The following STK32C variants were observed in gnomAD, a reference collection of about 807,000 sequenced individuals.
STK32C encodes serine/threonine kinase 32C.
A neutral mutation model predicts 56.5 loss-of-function variants in STK32C; 31 were observed. The ratio of observed to expected loss-of-function variants is 0.55; its 90% CI spans 0.41 to 0.74. The LOEUF is 0.74. Ranked by LOEUF, STK32C falls within the 30% of genes least tolerant of loss-of-function variation. The pLI is 0.00. For missense variants in STK32C, 544 were observed against 676.9 expected (o/e 0.80, Z 2.18); for synonymous variants, 309 against 289.4 (o/e 1.07, Z -0.69).
chr10:132,328,083 C>T (rs998855416), intron 1 of STK32C, among the ~76,000 whole-genome samples: 2 of 152,176 alleles, frequency 1.3e-5, no homozygotes, highest in Non-Finnish European at 2.9e-5. Context: ...TTTACCAAGA[C>T]AGGGGAATTG....
intron 2 of STK32C, among the ~76,000 whole-genome samples, chr10:132,240,649 T>C (rs1166856647): frequency 1.3e-5 from 2 of 152,130 alleles, no homozygotes; most frequent in Non-Finnish European, 2.9e-5. Flanking sequence ...GTTTTCTTAG[T>C]TATTTCCCCA....
At chr10:132,281,722 C>A (rs2065213254) in intron 1 of STK32C, among the ~76,000 whole-genome samples, 1 of 152,218 alleles carries the variant, frequency 6.6e-6, no homozygotes, top group African/African-American at 2.4e-5. Flanking sequence ...TGCAGGTCCC[C>A]GGGAGACGAA....
At chr10:132,216,840 T>C (rs901329687) in intron 10 of STK32C, among the ~76,000 whole-genome samples, 3 of 152,194 alleles carry the variant, frequency 2.0e-5, no homozygotes, top group Admixed American at 6.5e-5. Flanking sequence ...AGTCAAGAAT[T>C]GAGGTTTGGG....
intron 1 of STK32C, among the ~76,000 whole-genome samples, chr10:132,246,552 C>T (rs1050604524): frequency 6.6e-6 from 1 of 152,150 alleles, no homozygotes; most frequent in Non-Finnish European, 1.5e-5. Context: ...GGAGAGCCTG[C>T]GCCCAGCATG....
chr10:132,210,613 C>A (rs919657445), intron 10 of STK32C, among the ~76,000 whole-genome samples: 9 of 152,254 alleles, frequency 5.9e-5, no homozygotes, highest in Non-Finnish European at 8.8e-5. Flanking sequence ...AACCCACGAA[C>A]AGAGTGTGGG....
At position 132,296,858 on chromosome 10, in the gene STK32C, G is replaced by A. The variant is rs368509893; in HGVS notation, c.262+10714C>T. Among the ~76,000 whole-genome samples the A allele has an allele frequency of 6.6e-5, 10 of 152,322 alleles. 1 individual carries two copies. Among genetic ancestry groups the A allele is most frequent in the East Asian group, 5.8e-4 (3 of 5,180 alleles). On this transcript the variant is annotated intron_variant, in intron 1 of 11. Coordinates refer to ENST00000298630, the MANE Select transcript of STK32C (RefSeq NM_173575.4). ...CATGGTGGCCACAGAGGCAGGACTC[G>A]CAGGCCCGCGCCCTCTGGGACGCCG...
At chr10:132,245,345 C>CT (rs1200301683) in intron 2 of STK32C, among the ~76,000 whole-genome samples, 5 of 152,196 alleles carry the variant, frequency 3.3e-5, no homozygotes, top group African/African-American at 9.7e-5. Flanking sequence ...CGTTAAGCCT[C>CT]TTTGAGTTAT....
chr10:132,326,377 G>C (rs748556714), intron 1 of STK32C, among the ~76,000 whole-genome samples: 34 of 152,220 alleles, frequency 2.2e-4, no homozygotes, highest in African/African-American at 3.4e-4. Flanking sequence ...CTGCCACCAG[G>C]CTGGAGTGCA....
At chr10:132,223,926 G>A (rs1249331333) in intron 8 of STK32C, among the ~76,000 whole-genome samples, 6 of 152,200 alleles carry the variant, frequency 3.9e-5, no homozygotes, top group East Asian at 1.9e-4. Flanking sequence ...ACCCCTGCCC[G>A]TGTCCCTGCC....
intron 2 of STK32C, among the ~76,000 whole-genome samples, chr10:132,233,848 G>A (rs1274303465): frequency 6.6e-6 from 1 of 152,356 alleles, no homozygotes; most frequent in Non-Finnish European, 1.5e-5. Flanking sequence ...GCACACAGTT[G>A]CTGCGACTGC....
intron 1 of STK32C, chr10:132,330,147 T>A (rs771896600): frequency 3.0e-5 from 11 of 366,594 alleles, no homozygotes; most frequent in Non-Finnish European, 5.2e-5. Flanking sequence ...GGATACAATC[T>A]GGCTGGGCAA....
intron 1 of STK32C, among the ~76,000 whole-genome samples, chr10:132,268,558 T>TGC (rs1554991578): frequency 1.4e-5 from 2 of 143,044 alleles, no homozygotes; most frequent in African/African-American, 5.3e-5. Context: ...TGTGTGTGTG[T>TGC]GTGCCTGCGT....
intron 10 of STK32C, among the ~76,000 whole-genome samples, chr10:132,211,516 C>T (rs917426143): frequency 4.6e-5 from 7 of 152,218 alleles, no homozygotes; most frequent in African/African-American, 1.4e-4. Flanking sequence ...GCGCCCAAGC[C>T]GGGCTGTGTC....
chr10:132,247,959 T>C (rs2063747885), intron 1 of STK32C, among the ~76,000 whole-genome samples: 1 of 152,024 alleles, frequency 6.6e-6, no homozygotes, highest in Non-Finnish European at 1.5e-5. Flanking sequence ...GGACGGGCCG[T>C]GCTGCACAGA....
At position 132,245,975 on chromosome 10, in the gene STK32C, G is replaced by A; in HGVS notation, c.263-20C>T. 6.2e-7 allele frequency: 1 copy of A among 1,613,014 alleles called. No individual in the cohort carries two copies. The highest frequency in any genetic ancestry group is 8.5e-7 in the Non-Finnish European group (1 of 1,179,780). On this transcript the variant is annotated intron_variant, in intron 1 of 11. Coordinates refer to ENST00000298630, the MANE Select transcript of STK32C (RefSeq NM_173575.4). ...AGTTCACTGCAGGATAAAACAGAGG[G>A]ACACCTGGTGAGGTGGCAGCAAGGC...
At chr10:132,238,639 G>T (rs1435868992) in intron 2 of STK32C, among the ~76,000 whole-genome samples, 1 of 152,152 alleles carries the variant, frequency 6.6e-6, no homozygotes, top group African/African-American at 2.4e-5. Context: ...GGTGAGCTGG[G>T]GGTTGCATTT....
chr10:132,228,621 G>A (rs1020985248), intron 2 of STK32C, among the ~76,000 whole-genome samples: 1 of 152,250 alleles, frequency 6.6e-6, no homozygotes. Context: ...ACCTGGGCAT[G>A]GAGTTTTGCC....
At chr10:132,244,804 G>C (rs2063627791) in intron 2 of STK32C, among the ~76,000 whole-genome samples, 1 of 152,212 alleles carries the variant, frequency 6.6e-6, no homozygotes, top group Admixed American at 6.5e-5. Flanking sequence ...GCTCAGCTGG[G>C]AGGACAGGAG....
At chr10:132,280,644 C>CCCCTCCATGATCACCA (rs2065162582) in intron 1 of STK32C, among the ~76,000 whole-genome samples, 1 of 134,730 alleles carries the variant, frequency 7.4e-6, no homozygotes, top group Non-Finnish European at 1.6e-5. Flanking sequence ...TCACGACACT[C>CCCCTCCATGATCACCA]CACTCCATGA....
Sources: gnomAD v4.1 joint callset for allele counts (sites outside exome capture counted in the v4.1 genomes callset) on GRCh38, gnomAD v4.1.1 for gene constraint, MANE v1.5 for transcripts, NCBI Gene and HGNC (gene_info 2026-07-23, HGNC 2026-07-21) for gene names.